Variants in IRF1 observed in about 807,000 individuals in gnomAD.
IRF1 encodes interferon regulatory factor-1.
IRF1 carries 13 observed loss-of-function variants against 43.7 expected under a neutral mutation model. That is an observed-to-expected ratio of 0.30 (90% CI 0.19 to 0.47). The LOEUF (loss-of-function observed/expected upper bound fraction) is 0.47. Among genes scored for constraint, IRF1 ranks in the 20% least tolerant of loss-of-function variants. The pLI is 0.99. For synonymous variants in IRF1, 138 were observed against 146.8 expected, an observed-to-expected ratio of 0.94 and a Z score of 0.43; for missense variants, 236 against 408.9, an observed-to-expected ratio of 0.58 and a Z score of 3.65.
Position 132,486,666 on chromosome 5 carries a change from A to C in IRF1, c.435T>G (p.Pro145=). 1 of 1,614,042 alleles carries C rather than the reference A, an allele frequency of 6.2e-7. No individual in the cohort carries two copies. Residue 145 remains proline (P), a synonymous_variant, in exon 6 of 10, where the codon CCT becomes CCG. Coordinates refer to ENST00000245414, the MANE Select transcript of IRF1 (RefSeq NM_002198.3). ...TGCTGAGTCCATCAGAGAAGGTATC[A>C]GGGCTGGAATCCCCACATGACTGTC... ...AKRKSCGDSS[P]DTFSDGLSSS...
At position 132,483,714 on chromosome 5, in the gene IRF1, T is replaced by C. The variant is rs1754446115; in HGVS notation, c.*237A>G. ...AAGTCCCTGACCTGATACACTGGTC[T>C]CAGAACCTCATCTTCCCAGGAGGCA... On this transcript the variant is annotated 3_prime_UTR_variant, in exon 10 of 10. Transcript: ENST00000245414. 4 of 498,908 alleles carry C rather than the reference T, an allele frequency of 8.0e-6. No individual in the cohort carries two copies. The highest frequency in any genetic ancestry group is 5.3e-4 in the Middle Eastern group (1 of 1,896). 30.9% of individuals were successfully genotyped at this position (498,908 alleles called of 1,614,324 possible).
chr5:132,484,353 C>A lies in IRF1; in HGVS notation c.853+9G>T. 6.2e-7 allele frequency: 1 copy of A among 1,613,750 alleles called. No homozygotes were observed. Among genetic ancestry groups the A allele is most frequent in the Non-Finnish European group, 8.5e-7 (1 of 1,179,770 alleles). On this transcript the variant is annotated intron_variant, in intron 9 of 9. Transcript: ENST00000245414. The stretch of plus-strand genomic sequence containing the variant: ...TCTAAGAAGCCATAAGGATCCAGGG[C>A]CTTCTTACCCCCTGGGCTGTCAATT...
chr5:132,485,305 G>A (rs17622656), intron 8 of IRF1: 59,951 of 223,062 alleles, frequency 0.27, 10,258 homozygotes, highest in Non-Finnish European at 0.38. Context: ...TCATATTAAC[G>A]GATCCTAAAG....
chr5:132,485,486 C>T, intron 8 of IRF1, 181 bp downstream of exon 8: 1 of 674,424 alleles, frequency 1.5e-6, no homozygotes, highest in Non-Finnish European at 2.8e-6. Flanking sequence ...TCCCACCTGC[C>T]TTCCCTTCCC....
intron 3 of IRF1, chr5:132,487,682 C>G: frequency 1.9e-6 from 1 of 532,774 alleles, no homozygotes; most frequent in Non-Finnish European, 3.4e-6. Flanking sequence ...GGAGAACTTT[C>G]ATCTAGCCAC....
chr5:132,489,297 A>T (rs1754636844), intron 2 of IRF1, 95 bp downstream of exon 2: 2 of 954,860 alleles, frequency 2.1e-6, no homozygotes, highest in Non-Finnish European at 1.7e-6. Context: ...TTGTCCCGTT[A>T]TCACTTCCCT....
Position 132,487,955 on chromosome 5 carries a change from C to T in IRF1, c.158G>A (p.Cys53Tyr). 6.2e-7 allele frequency: 1 copy of T among 1,613,608 alleles called. No homozygotes were observed. The highest frequency in any genetic ancestry group is 8.5e-7 in the Non-Finnish European group (1 of 1,179,914). ...GTGAATGGCCCAGCTCCGGAACAAA[C>T]AGGCATCCTTGTTGATGTCCCAGCC... ...KHGWDINKDACLFRSWAIHTG... is the reference protein window; with the variant it reads ...KHGWDINKDAYLFRSWAIHTG... The change falls in exon 3 of 10, where the codon TGT (cysteine) becomes TAT (tyrosine). Residue 53 changes from cysteine to tyrosine, a missense_variant. Coordinates refer to ENST00000245414, the MANE Select transcript of IRF1 (RefSeq NM_002198.3).
Position 132,485,388 on chromosome 5 carries a change from C to G in IRF1, c.717+279G>C, listed in dbSNP as rs1485409303. On this transcript the variant is annotated intron_variant, in intron 8 of 9. Transcript: ENST00000245414. The stretch of plus-strand genomic sequence containing the variant: ...GGCATGTTGGGGCAGAGGATGCAGG[C>G]CAGGGACCCATCGCTGATAGTGCCT... The G allele has an allele frequency of 1.0e-5, 5 of 486,972 alleles. No individual in the cohort carries two copies. In the South Asian group the frequency reaches 1.2e-4, roughly 12 times the overall value. 30.2% of individuals were successfully genotyped at this position (486,972 alleles called of 1,614,324 possible).
chr5:132,482,221 T>C lies in IRF1; in HGVS notation c.*1730A>G, dbSNP rs1485964255. On this transcript the variant is annotated 3_prime_UTR_variant, in exon 10 of 10. Transcript: ENST00000245414. ...GCGCCCGCCACCAGGCCCGGCTAAT[T>C]TTTTTTTTTTTTTTTGAGACGGAGT... is the stretch of plus-strand genomic sequence containing the variant. 1.7e-5 allele frequency: 1 copy of C among 59,420 alleles called. No homozygotes were observed. The highest frequency in any genetic ancestry group is 3.3e-5 in the Non-Finnish European group (1 of 30,530). 3.7% of individuals were successfully genotyped at this position (59,420 alleles called of 1,614,324 possible). A position where few individuals can be genotyped will look rare whatever the true frequency, so the allele number is the denominator to read the frequency against.
rs1428934653 is a variant in IRF1 at position 132,486,842 on chromosome 5, T to C, written c.367A>G (p.Arg123Gly). 1 of 1,614,216 alleles carries C rather than the reference T, an allele frequency of 6.2e-7. No individual in the cohort carries two copies. The highest frequency in any genetic ancestry group is 8.5e-7 in the Non-Finnish European group (1 of 1,180,036). The change falls in exon 5 of 10, where the codon AGA (arginine) becomes GGA (glycine). Residue 123 changes from arginine (R) to glycine (G), a missense_variant and splice_region_variant. Physicochemically the swap from Arg to Gly is moderately radical, Grantham distance 125. Coordinates refer to ENST00000245414, the MANE Select transcript of IRF1 (RefSeq NM_002198.3). ...PPLTKNQRKE[R>G]KSKSSRDAKS... Reference sequence around the variant, plus strand: ...GCATCTCGGCTGGACTTCGACTTTCTTTCTGTGGGGCAGACGGGCTGTCAG... The same window carrying C: ...GCATCTCGGCTGGACTTCGACTTTCCTTCTGTGGGGCAGACGGGCTGTCAG...
chr5:132,486,137 C>T (rs574894363), intron 7 of IRF1, 114 bp downstream of exon 7: 75 of 1,431,720 alleles, frequency 5.2e-5, no homozygotes, highest in Non-Finnish European at 6.9e-5. Flanking sequence ...CTGGGCAATG[C>T]CCAACTCAAT....
rs79452489 is a variant in IRF1, at chr5:132,485,894, C to T, written c.668-178G>A. 1.3e-3 allele frequency: 832 copies of T among 622,718 alleles called. 4 individuals are homozygous for T. The highest frequency in any genetic ancestry group is 1.5e-3 in the South Asian group (82 of 54,326). The allele number at this position is 622,718 out of a possible 1,614,324, so 38.6% of individuals were successfully genotyped here. A position where few individuals can be genotyped will look rare whatever the true frequency, so the allele number is the denominator to read the frequency against. On this transcript the variant is annotated intron_variant, in intron 7 of 9. Coordinates refer to ENST00000245414, the MANE Select transcript of IRF1 (RefSeq NM_002198.3). The stretch of plus-strand genomic sequence containing the variant: ...TGCCATAGAGATTCCAGAACAGGAC[C>T]CTGGCCTGGTGACTCAGCCTCTCAA...
intron 2 of IRF1, 70 bp from the exon 3 acceptor site, chr5:132,488,095 G>C (rs1754589807): frequency 8.4e-7 from 1 of 1,187,232 alleles, no homozygotes; most frequent in Admixed American, 1.7e-5. Context: ...CTGAGTCTGA[G>C]ACCCAGGCCT....
Position 132,488,339 on chromosome 5 carries a change from G to A in IRF1, c.88-314C>T. 1.1e-5 allele frequency: 3 copies of A among 278,364 alleles called. No homozygotes were observed. The South Asian group carries it at 1.3e-4, about 12-fold the overall frequency. 17.2% of individuals were successfully genotyped at this position (278,364 alleles called of 1,614,324 possible). A position where few individuals can be genotyped will look rare whatever the true frequency, so the allele number is the denominator to read the frequency against. On this transcript the variant is annotated intron_variant, in intron 2 of 9. Coordinates refer to ENST00000245414, the MANE Select transcript of IRF1 (RefSeq NM_002198.3). ...CCCAAAGCCCTGGTTTTGAAGCTCT[G>A]GGATGTTTCTCTCTGGCTTGTAAGC...
rs533854350 is a variant in IRF1 at position 132,487,819 on chromosome 5, G to A, written c.187+107C>T. The A allele has an allele frequency of 5.7e-6, 4 of 699,534 alleles. No individual in the cohort carries two copies. In the Admixed American group the frequency reaches 9.1e-5, roughly 16 times the overall value. The allele number at this position is 699,534 out of a possible 1,614,324, so 43.3% of individuals were successfully genotyped here. Reference sequence around the variant, plus strand: ...GCCCCTCTTCCCAGTAATTCTGCATGTTGTCTCAGGGAGCTCAGGGACCCC... The same window carrying A: ...GCCCCTCTTCCCAGTAATTCTGCATATTGTCTCAGGGAGCTCAGGGACCCC... On this transcript the variant is annotated intron_variant, in intron 3 of 9. Coordinates refer to ENST00000245414, the MANE Select transcript of IRF1 (RefSeq NM_002198.3).
At position 132,482,663 on chromosome 5, in the gene IRF1, G is replaced by GTTTTTTT. The variant is rs55959557; in HGVS notation, c.*1281_*1287dup. ...GCCACCATGCCCGGCCAAATGAAAG[G>GTTTTTTT]TTTTTTTTTTTTTTTTTTTTTTTGG... is the stretch of plus-strand genomic sequence containing the variant. On this transcript the variant is annotated 3_prime_UTR_variant, in exon 10 of 10. Coordinates refer to ENST00000245414, the MANE Select transcript of IRF1 (RefSeq NM_002198.3). The GTTTTTTT allele has an allele frequency of 3.0e-5, 2 of 65,926 alleles. No homozygotes were observed. Among genetic ancestry groups the GTTTTTTT allele is most frequent in the Non-Finnish European group, 3.1e-5 (1 of 32,556 alleles). The allele number at this position is 65,926 out of a possible 1,614,324, so 4.1% of individuals were successfully genotyped here.
chr5:132,483,817 G>A lies in IRF1; in HGVS notation c.*134C>T, dbSNP rs904993156. ...AGAGGTCAATGACCCAAGGAGGGAG[G>A]CCCCATCCCCACTTGGCAGTGGGGT... On this transcript the variant is annotated 3_prime_UTR_variant, in exon 10 of 10. Coordinates refer to ENST00000245414, the MANE Select transcript of IRF1 (RefSeq NM_002198.3). The A allele has an allele frequency of 7.4e-5, 83 of 1,129,162 alleles. 2 individuals are homozygous for A. The South Asian group carries it at 1.2e-3, about 16-fold the overall frequency. The allele number at this position is 1,129,162 out of a possible 1,614,324, so 69.9% of individuals were successfully genotyped here.
chr5:132,484,260 G>C, intron 9 of IRF1, 102 bp downstream of exon 9: 1 of 1,495,856 alleles, frequency 6.7e-7, no homozygotes, highest in Non-Finnish European at 9.2e-7. Context: ...CAGTACCCCA[G>C]ATGCTTTACC....
At chr5:132,486,068 C>G (rs1754517598) in intron 7 of IRF1, 183 bp downstream of exon 7, 1 of 778,140 alleles carries the variant, frequency 1.3e-6, no homozygotes, top group Admixed American at 2.3e-5. Flanking sequence ...GTACTGCAGC[C>G]CACTCTGAAC....
Sources: gnomAD v4.1 joint callset for allele counts on GRCh38, gnomAD v4.1.1 for gene constraint, MANE v1.5 for transcripts, NCBI Gene and HGNC (gene_info 2026-07-23, HGNC 2026-07-21) for gene names.